The following PRDM9 variants were observed in gnomAD, a reference collection of about 807,000 sequenced individuals.
PRDM9 encodes the protein histone-lysine N-methyltransferase PRDM9.
In PRDM9, 47 loss-of-function variants were observed where a neutral mutation model predicts 55.6. That is an observed-to-expected ratio of 0.85 (90% CI 0.67 to 1.08). The LOEUF (loss-of-function observed/expected upper bound fraction) is 1.08, where lower values mean the gene tolerates loss of function less well. PRDM9 is among the 50% of genes least tolerant of loss of function. PRDM9 has a pLI of 0.00. For synonymous variants in PRDM9, 312 were observed against 375.7 expected (o/e 0.83, Z 1.96); for missense variants, 867 against 1,040.3 (o/e 0.83, Z 2.29).
rs1739393031 is a variant in PRDM9 at position 23,524,458 on chromosome 5, G to T, written c.1075G>T (p.Asp359Tyr). The stretch of plus-strand genomic sequence containing the variant: ...CTGTGAACTGCTGGTCTGGTATGGG[G>T]ATGAATACGGCCAGGAACTGGGCAT... ...PGCELLVWYGDEYGQELGIKW... is the reference protein window; with the variant it reads ...PGCELLVWYGYEYGQELGIKW... Residue 359 changes from aspartate (D) to tyrosine (Y), a missense_variant, in exon 10 of 11, where the codon GAT becomes TAT. By Grantham distance (160) the Asp-to-Tyr change is radical (BLOSUM62 -3). This residue lies in a region of PRDM9 where 662 missense variants were observed against 711.9 expected (regional missense o/e 0.93). Transcript: ENST00000296682. The T allele has an allele frequency of 6.2e-7, 1 of 1,613,882 alleles. No individual in the cohort carries two copies. Among genetic ancestry groups the T allele is most frequent in the East Asian group, 2.2e-5 (1 of 44,878 alleles).
In PRDM9 at chr5:23,523,475, C is replaced by T. The variant is rs552550647; in HGVS notation, c.950+117C>T. ...TTTCACATTCCCTATTTCTATTTTT[C>T]TCCATACAATGCTGTTTTATACCAT... On this transcript the variant is annotated intron_variant, in intron 9 of 10. Transcript: ENST00000296682. The T allele has an allele frequency of 4.6e-6, 5 of 1,091,472 alleles. No homozygotes were observed. In the African/African-American group the frequency reaches 6.2e-5, roughly 14 times the overall value. The allele number at this position is 1,091,472 out of a possible 1,614,324, so 67.6% of individuals were successfully genotyped here. A position where few individuals can be genotyped will look rare whatever the true frequency, so the allele number is the denominator to read the frequency against.
chr5:23,517,799 TA>T, intron 4 of PRDM9, 81 bp from the exon 5 acceptor site: 2 of 1,366,908 alleles, frequency 1.5e-6, no homozygotes, highest in Non-Finnish European at 2.1e-6. Context: ...AAATAAAAAA[TA>T]AAAATAAAAA....
Position 23,521,073 on chromosome 5 carries a change from AAGAAC to A in PRDM9, c.405_409del (p.Arg135SerfsTer41), listed in dbSNP as rs1407503353. On this transcript the variant is annotated frameshift_variant, in exon 6 of 11. Transcript: ENST00000296682. LOFTEE classifies it high-confidence loss of function. ...ATGAATCTAGTTTGAAAGAATTGTC[AAGAAC>A]AGCAAATTTACTGAATGCAAGTGGC... The A allele has an allele frequency of 2.5e-6, 4 of 1,614,086 alleles. No homozygotes were observed. In the African/African-American group the frequency reaches 5.3e-5, roughly 22 times the overall value.
chr5:23,527,317 A>G lies in PRDM9; in HGVS notation c.2229A>G (p.Thr743=), dbSNP rs764287601. The change falls in exon 11 of 11, where the codon ACA becomes ACG. Residue 743 remains threonine (T), a synonymous_variant. Transcript: ENST00000296682. ...SHLLRHQRTH[T]GEKPYVCREC... Reference sequence around the variant, plus strand: ...TCCTCAGACACCAGAGGACACACACAGGGGAGAAGCCCTATGTCTGCAGGG... The same window carrying G: ...TCCTCAGACACCAGAGGACACACACGGGGGAGAAGCCCTATGTCTGCAGGG... 6.5e-7 allele frequency: 1 copy of G among 1,548,882 alleles called. No homozygotes were observed. The highest frequency in any genetic ancestry group is 1.1e-5 in the South Asian group (1 of 87,242).
intron 4 of PRDM9, among the ~76,000 whole-genome samples, chr5:23,514,951 T>G (rs1425101622): frequency 6.6e-6 from 1 of 151,418 alleles, no homozygotes; most frequent in African/African-American, 2.4e-5. Context: ...TCTTCATATA[T>G]TCTGAATATT....
At chr5:23,523,246 T>G in intron 8 of PRDM9, 45 bp from the exon 9 acceptor site, 3 of 1,585,388 alleles carry the variant, frequency 1.9e-6, no homozygotes, top group Non-Finnish European at 1.7e-6. Context: ...ATTCTTCTGA[T>G]TTTTACCCTC....
intron 4 of PRDM9, among the ~76,000 whole-genome samples, chr5:23,514,585 AC>A (rs1561017924): frequency 6.6e-6 from 1 of 152,004 alleles, no homozygotes. Context: ...CGTAGCTGGG[AC>A]TACAGGGGCA....
chr5:23,522,943 G>C, intron 8 of PRDM9, 58 bp downstream of exon 8: 1 of 1,613,232 alleles, frequency 6.2e-7, no homozygotes, highest in Non-Finnish European at 8.5e-7. Flanking sequence ...CTGTGCCTTT[G>C]GTGGGGCATA....
intron 10 of PRDM9, 129 bp from the exon 11 acceptor site, chr5:23,526,104 C>G (rs1739422760): frequency 2.9e-5 from 32 of 1,113,472 alleles, no homozygotes; most frequent in South Asian, 2.8e-4. Context: ...GTCCATCCAG[C>G]ACTTGGTGGG....
chr5:23,526,221 T>G lies in PRDM9; in HGVS notation c.1145-12T>G. On this transcript the variant is annotated splice_polypyrimidine_tract_variant and intron_variant, in intron 10 of 10. Coordinates refer to ENST00000296682, the MANE Select transcript of PRDM9 (RefSeq NM_020227.4). ...CAAAACATCTACCCTGACCAAAAACTTCCTCTTTCAGAACCAAAGCCAGAG... is the reference window on the plus strand; with the variant it reads ...CAAAACATCTACCCTGACCAAAAACGTCCTCTTTCAGAACCAAAGCCAGAG... The G allele has an allele frequency of 6.2e-7, 1 of 1,613,376 alleles. No homozygotes were observed. The highest frequency in any genetic ancestry group is 1.7e-5 in the Admixed American group (1 of 60,020).
chr5:23,509,785 A>T (rs1739053936), intron 3 of PRDM9, 135 bp from the exon 4 acceptor site: 1 of 1,337,552 alleles, frequency 7.5e-7, no homozygotes. Flanking sequence ...CAGAGGTCAC[A>T]TCTTGACCTT....
chr5:23,513,955 A>C (rs1429733772), intron 4 of PRDM9, among the ~76,000 whole-genome samples: 1 of 152,204 alleles, frequency 6.6e-6, no homozygotes, highest in East Asian at 1.9e-4. Context: ...AAAGCAGCAG[A>C]AAACAGACTA....
At position 23,510,043 on chromosome 5, in the gene PRDM9, A is replaced by G. The variant is rs1739059927; in HGVS notation, c.301+16A>G. The G allele has an allele frequency of 7.1e-7, 1 of 1,415,024 alleles. No homozygotes were observed. The highest frequency in any genetic ancestry group is 9.9e-7 in the Non-Finnish European group (1 of 1,008,770). 87.7% of individuals were successfully genotyped at this position (1,415,024 alleles called of 1,614,324 possible). On this transcript the variant is annotated intron_variant, in intron 4 of 10. Transcript: ENST00000296682. ...AGGCAGCAAGGTAAGAGGGAAGGGA[A>G]GTAGGATTTTTTTTTTTTTTTTTTT... is the stretch of plus-strand genomic sequence containing the variant.
chr5:23,525,876 G>T (rs73742304), intron 10 of PRDM9, among the ~76,000 whole-genome samples: 112 of 152,280 alleles, frequency 7.4e-4, no homozygotes, highest in African/African-American at 2.5e-3. Context: ...GGGAGGATGT[G>T]GCAGAGGGTG....
chr5:23,526,405 G>A lies in PRDM9; in HGVS notation c.1317G>A (p.Gln439=). The A allele has an allele frequency of 6.2e-7, 1 of 1,613,952 alleles. No individual in the cohort carries two copies. ...GCCCAGGGGATCAGAATCAGGAGCA[G>A]CAATATCCAGATCCACACAGCCGTA... The part of the protein sequence containing the change: ...NPCPGDQNQE[Q]QYPDPHSRND... Residue 439 remains glutamine, a synonymous_variant, in exon 11 of 11, where the codon CAG becomes CAA. Transcript: ENST00000296682.
intron 4 of PRDM9, among the ~76,000 whole-genome samples, chr5:23,515,954 A>G (rs1201964976): frequency 3.3e-5 from 5 of 152,160 alleles, no homozygotes; most frequent in African/African-American, 9.7e-5. Flanking sequence ...TGAGGCCTTT[A>G]ACTTTATTCT....
intron 4 of PRDM9, among the ~76,000 whole-genome samples, chr5:23,512,039 CTTAA>C (rs750125034): frequency 3.3e-5 from 5 of 150,844 alleles, no homozygotes; most frequent in Admixed American, 6.6e-5. Flanking sequence ...TGAAAGCAAA[CTTAA>C]TTAAACTGTA....
Position 23,527,150 on chromosome 5 carries a change from G to C in PRDM9, c.2062G>C (p.Gly688Arg). 1.7e-6 allele frequency: 1 copy of C among 595,856 alleles called. No individual in the cohort carries two copies. Among genetic ancestry groups the C allele is most frequent in the Non-Finnish European group, 2.8e-6 (1 of 356,444 alleles). The allele number at this position is 595,856 out of a possible 1,614,324, so 36.9% of individuals were successfully genotyped here. Residue 688 changes from glycine (G) to arginine (R), a missense_variant, in exon 11 of 11, where the codon GGG becomes CGG. This residue lies in a region of PRDM9 where 92 missense variants were observed against 185.7 expected (regional missense o/e 0.50). Transcript: ENST00000296682. ...CCTCACTCACCAGAGGACACACACAGGGGAGAAGCCCTATGTCTGCAGGGA... is the reference window on the plus strand; with the variant it reads ...CCTCACTCACCAGAGGACACACACACGGGAGAAGCCCTATGTCTGCAGGGA... The part of the protein sequence containing the change: ...VLLTHQRTHT[G>R]EKPYVCRECG...
At chr5:23,508,925 C>T (rs1739033843) in intron 1 of PRDM9, 25 bp from the exon 2 acceptor site, 2 of 1,350,006 alleles carry the variant, frequency 1.5e-6, no homozygotes, top group Non-Finnish European at 2.1e-6. Context: ...CTGTTGCCCC[C>T]TCTCAGCACC....
Sources: allele counts gnomAD v4.1 joint callset (sites outside exome capture counted in the v4.1 genomes callset), GRCh38; gene constraint gnomAD v4.1.1; regional missense constraint gnomAD v4.1.1; transcripts MANE v1.5; gene names NCBI Gene and HGNC (gene_info 2026-07-23, HGNC 2026-07-21).